PLCG2: variants seen among roughly 807,000 people sequenced by gnomAD.
The protein encoded by PLCG2 is phospholipase C gamma 2.
PLCG2 carries 69 observed loss-of-function variants against 175.6 expected under a neutral mutation model. The ratio of observed to expected loss-of-function variants is 0.39; its 90% CI spans 0.32 to 0.48. The LOEUF (loss-of-function observed/expected upper bound fraction) is 0.48. Among genes scored for constraint, PLCG2 ranks in the 20% least tolerant of loss-of-function variants. The pLI, the probability that PLCG2 is intolerant of heterozygous loss-of-function variation, is 0.91. For synonymous variants in PLCG2, 827 were observed against 624.0 expected, an observed-to-expected ratio of 1.33 and a Z score of -4.85; for missense variants, 1,798 against 1,650.9, an observed-to-expected ratio of 1.09 and a Z score of -1.54.
chr16:81,875,788 C>G (rs1191567990), intron 7 of PLCG2, among the ~76,000 whole-genome samples: 1 of 152,164 alleles, frequency 6.6e-6, no homozygotes, highest in African/African-American at 2.4e-5. Flanking sequence ...GAGAAGGCTG[C>G]TAACGTATCT....
At chr16:81,776,087 C>T (rs201934048), upstream of PLCG2, among the ~76,000 whole-genome samples, 44,386 of 60,464 alleles carry the variant, frequency 0.73, 16,839 homozygotes, top group East Asian at 0.94. Context: ...CTCTCTCTCT[C>T]TCTTTCTTTC....
chr16:81,900,029 A>G (rs571132344), intron 13 of PLCG2, among the ~76,000 whole-genome samples: 1 of 152,352 alleles, frequency 6.6e-6, no homozygotes, highest in East Asian at 1.9e-4. Context: ...CTACAGATAC[A>G]CACAAATGAT....
At chr16:81,741,960 G>A (rs1001020620) in intron 1 of PLCG2, among the ~76,000 whole-genome samples, 3 of 152,116 alleles carry the variant, frequency 2.0e-5, no homozygotes, top group Non-Finnish European at 4.4e-5. Flanking sequence ...CTACAGTGAT[G>A]CAGAACGCCA....
At chr16:81,828,013 C>G (rs1905112666) in intron 2 of PLCG2, among the ~76,000 whole-genome samples, 1 of 149,016 alleles carries the variant, frequency 6.7e-6, no homozygotes, top group Non-Finnish European at 1.5e-5. Flanking sequence ...TTGCTTGCAC[C>G]TGGGAGGCGG....
At chr16:81,760,259 A>G (rs1376511479) in intron 2 of PLCG2, among the ~76,000 whole-genome samples, 1 of 152,202 alleles carries the variant, frequency 6.6e-6, no homozygotes, top group Admixed American at 6.5e-5. Flanking sequence ...GGATTGCTCG[A>G]GTAGAGCAGT....
intron 7 of PLCG2, among the ~76,000 whole-genome samples, chr16:81,874,968 T>A (rs1597367288): frequency 6.9e-6 from 1 of 145,736 alleles, no homozygotes; most frequent in Admixed American, 6.8e-5. Context: ...TTTTTTTTTT[T>A]TTTTTTTTTA....
chr16:81,802,425 G>A (rs1364535451), intron 2 of PLCG2, among the ~76,000 whole-genome samples: 2 of 151,266 alleles, frequency 1.3e-5, no homozygotes, highest in African/African-American at 4.9e-5. Context: ...GGTGGGTACA[G>A]TCTTATTCAT....
chr16:81,874,840 C>G (rs754634535), intron 7 of PLCG2, among the ~76,000 whole-genome samples: 2 of 151,736 alleles, frequency 1.3e-5, no homozygotes, highest in African/African-American at 4.8e-5. Flanking sequence ...GTTTGTGTCT[C>G]CCTGGTGAGG....
At chr16:81,787,179 G>C (rs1911007456) in intron 2 of PLCG2, among the ~76,000 whole-genome samples, 1 of 151,852 alleles carries the variant, frequency 6.6e-6, no homozygotes, top group African/African-American at 2.4e-5. Flanking sequence ...CCAGGCTTTT[G>C]TTATTATTCG....
At chr16:81,788,674 C>T (rs1230216505) in intron 2 of PLCG2, among the ~76,000 whole-genome samples, 1 of 152,218 alleles carries the variant, frequency 6.6e-6, no homozygotes, top group African/African-American at 2.4e-5. Flanking sequence ...TTGGTGTCAT[C>T]CTTAATTTGA....
chr16:81,862,493 C>T (rs1038152542), intron 5 of PLCG2, among the ~76,000 whole-genome samples: 10 of 152,182 alleles, frequency 6.6e-5, no homozygotes, highest in African/African-American at 1.4e-4. Context: ...TAAAGCAGCC[C>T]AGGTTGTCAG....
At chr16:81,909,795 C>A (rs1909537470) in intron 17 of PLCG2, among the ~76,000 whole-genome samples, 1 of 152,130 alleles carries the variant, frequency 6.6e-6, no homozygotes, top group African/African-American at 2.4e-5. Flanking sequence ...ATTCGAGACA[C>A]CTTGTGTGTG....
chr16:81,769,527 A>C lies in PLCG2; in HGVS notation c.-48+13561A>C, dbSNP rs187534976. On this transcript the variant is annotated intron_variant, in intron 2 of 5. Transcript: ENST00000565054. ...TAAATAATTCTAGGTCTTGAAAAAGACATGGGGCCGGGCGCGGTGGCTCAC... is the reference window on the plus strand; with the variant it reads ...TAAATAATTCTAGGTCTTGAAAAAGCCATGGGGCCGGGCGCGGTGGCTCAC... Among the ~76,000 whole-genome samples the C allele has an allele frequency of 1.7e-4, 26 of 152,296 alleles. 1 individual carries two copies. Among genetic ancestry groups the C allele is most frequent in the Non-Finnish European group, 2.8e-4 (19 of 68,032 alleles).
chr16:81,940,764 G>C (rs1415483624), intron 30 of PLCG2, among the ~76,000 whole-genome samples: 1 of 152,100 alleles, frequency 6.6e-6, no homozygotes, highest in Non-Finnish European at 1.5e-5. Context: ...TGCTTCTAGA[G>C]CCAGTCATTT....
Position 81,919,517 on chromosome 16 carries a change from C to G in PLCG2, c.2088C>G (p.Asn696Lys), listed in dbSNP as rs775025176. The change falls in exon 20 of 33, where the codon AAC becomes AAG. Residue 696 changes from asparagine to lysine, a missense_variant. Transcript: ENST00000564138. ...ARGKVKHCRI[N>K]RDGRHFVLGT... ...GCAAGGTAAAGCATTGTCGCATCAA[C>G]CGGGACGGCCGGCACTTTGTGCTGG... 9 of 1,614,026 alleles carry G rather than the reference C, an allele frequency of 5.6e-6. No homozygotes were observed. Among genetic ancestry groups the G allele is most frequent in the East Asian group, 2.2e-5 (1 of 44,894 alleles).
intron 11 of PLCG2, among the ~76,000 whole-genome samples, chr16:81,892,771 T>A (rs1263602201): frequency 6.6e-6 from 1 of 152,200 alleles, no homozygotes; most frequent in Non-Finnish European, 1.5e-5. Context: ...TAAGCCTACT[T>A]ACTACCCATT....
intron 2 of PLCG2, among the ~76,000 whole-genome samples, chr16:81,821,471 G>A (rs1904796658): frequency 6.6e-6 from 1 of 152,144 alleles, no homozygotes; most frequent in Non-Finnish European, 1.5e-5. Context: ...TCGAGGGCTC[G>A]AATGCTGTGT....
intron 2 of PLCG2, among the ~76,000 whole-genome samples, chr16:81,799,360 T>G (rs1446275870): frequency 1.3e-5 from 2 of 152,240 alleles, no homozygotes; most frequent in Non-Finnish European, 2.9e-5. Flanking sequence ...TTTAGTAATC[T>G]GCCTTTTTCA....
At chr16:81,804,357 G>T (rs556490695) in intron 2 of PLCG2, among the ~76,000 whole-genome samples, 1 of 152,298 alleles carries the variant, frequency 6.6e-6, no homozygotes, top group South Asian at 2.1e-4. Flanking sequence ...TTGGCTTTCT[G>T]TAGACAGTGT....
Sources: allele counts gnomAD v4.1 joint callset (sites outside exome capture counted in the v4.1 genomes callset), GRCh38; gene constraint gnomAD v4.1.1; transcripts MANE v1.5; gene names NCBI Gene and HGNC (gene_info 2026-07-23, HGNC 2026-07-21).